The following ATG10 variants were observed in gnomAD, a reference collection of about 807,000 sequenced individuals.
ATG10 encodes autophagy related 10, also known as ubiquitin-like-conjugating enzyme ATG10.
ATG10 carries 30 observed loss-of-function variants against 32.1 expected under a neutral mutation model. The observed-to-expected ratio is 0.94, with a 90% CI of 0.70 to 1.27. The LOEUF is 1.27. Among genes scored for constraint, ATG10 ranks in the 50% most tolerant of loss-of-function variants. The probability of loss-of-function intolerance (pLI) is 0.00; values close to 1 mark genes in which losing one functional copy is unlikely to be tolerated. For synonymous variants in ATG10, 87 were observed against 91.5 expected (o/e 0.95, Z 0.28); for missense variants, 233 against 262.3 (o/e 0.89, Z 0.77).
intron 2 of ATG10, among the ~76,000 whole-genome samples, chr5:82,028,842 C>T (rs1762665358): frequency 6.6e-6 from 1 of 152,042 alleles, no homozygotes; most frequent in African/African-American, 2.4e-5. Flanking sequence ...ATCACCAGGA[C>T]CTTTCAATAA....
At chr5:82,094,154 G>A (rs1468660053) in intron 3 of ATG10, among the ~76,000 whole-genome samples, 4 of 152,068 alleles carry the variant, frequency 2.6e-5, no homozygotes, top group Non-Finnish European at 5.9e-5. Context: ...CTTGCACTGT[G>A]GCCTGAAAAC....
intron 3 of ATG10, among the ~76,000 whole-genome samples, chr5:82,157,421 A>G (rs1767846804): frequency 6.6e-6 from 1 of 151,914 alleles, no homozygotes; most frequent in Non-Finnish European, 1.5e-5. Flanking sequence ...ACAGTTGCTA[A>G]AAGAATTACG....
At chr5:82,242,952 C>T in intron 5 of ATG10, 2 of 360,840 alleles carry the variant, frequency 5.5e-6, no homozygotes, top group Non-Finnish European at 1.1e-5. Context: ...CTAATAATAC[C>T]TACTTTCTGG....
chr5:82,162,331 C>T (rs578175919), intron 3 of ATG10, among the ~76,000 whole-genome samples: 1 of 152,026 alleles, frequency 6.6e-6, no homozygotes, highest in African/African-American at 2.4e-5. Flanking sequence ...GGAATTAAAA[C>T]GATAAGAAAT....
intron 3 of ATG10, among the ~76,000 whole-genome samples, chr5:82,069,220 T>G (rs891457532): frequency 1.3e-5 from 2 of 152,136 alleles, no homozygotes; most frequent in Admixed American, 1.3e-4. Context: ...TAGAATCTCA[T>G]GATATGAATG....
intron 3 of ATG10, among the ~76,000 whole-genome samples, chr5:82,130,880 A>G (rs1394288750): frequency 2.0e-5 from 3 of 152,172 alleles, no homozygotes; most frequent in Non-Finnish European, 4.4e-5. Flanking sequence ...GAAAAGTTGT[A>G]AAAGTAGAAA....
intron 1 of ATG10, among the ~76,000 whole-genome samples, chr5:81,985,149 G>A (rs550316306): frequency 6.6e-6 from 1 of 152,198 alleles, no homozygotes; most frequent in Non-Finnish European, 1.5e-5. Context: ...AGTAACTGGA[G>A]GGCTTAGGCT....
At chr5:82,009,638 G>C (rs572323964) in intron 2 of ATG10, 1 of 1,592,594 alleles carries the variant, frequency 6.3e-7, no homozygotes, top group South Asian at 1.1e-5. Context: ...TCTTCTTGCT[G>C]GTCTTGCCAT....
chr5:82,144,469 C>A (rs986677821), intron 3 of ATG10, among the ~76,000 whole-genome samples: 3 of 151,782 alleles, frequency 2.0e-5, no homozygotes, highest in Non-Finnish European at 2.9e-5. Flanking sequence ...TTCCTCTAAG[C>A]ACTGATTTAG....
intron 3 of ATG10, among the ~76,000 whole-genome samples, chr5:82,086,207 T>G (rs746946922): frequency 1.3e-5 from 2 of 152,162 alleles, no homozygotes; most frequent in Non-Finnish European, 2.9e-5. Context: ...GACATTATCC[T>G]TACTTTCAAA....
rs149637344 is a variant in ATG10, at chr5:82,060,982, A to G, written c.216+2380A>G. Among the ~76,000 whole-genome samples, 44 of 152,360 alleles carry G rather than the reference A, an allele frequency of 2.9e-4. 1 individual carries two copies. In the East Asian group the frequency reaches 7.9e-3, roughly 27 times the overall value. On this transcript the variant is annotated intron_variant, in intron 3 of 7. Transcript: ENST00000282185. ...AATTTTAAATTATGATTCTTTTTAA[A>G]ATTTATCTCTTCAAAGAGTGAAACC... is the stretch of plus-strand genomic sequence containing the variant.
Position 82,103,590 on chromosome 5 carries a change from C to A in ATG10, c.216+44988C>A, listed in dbSNP as rs888286110. ...CCCCTGCCCCCAGGGACTTAAGAAA[C>A]CCATACTCAGTTATGAATGTATGCC... is the stretch of plus-strand genomic sequence containing the variant. On this transcript the variant is annotated intron_variant, in intron 3 of 7. Coordinates refer to ENST00000282185, the MANE Select transcript of ATG10 (RefSeq NM_031482.5). Among the ~76,000 whole-genome samples the A allele has an allele frequency of 3.3e-5, 5 of 151,830 alleles. No homozygotes were observed. The South Asian group carries it at 6.2e-4, about 19-fold the overall frequency.
At chr5:82,045,507 C>T (rs1038832440) in intron 2 of ATG10, among the ~76,000 whole-genome samples, 1 of 152,088 alleles carries the variant, frequency 6.6e-6, no homozygotes, top group Non-Finnish European at 1.5e-5. Flanking sequence ...TGTGCTTCTC[C>T]TCCTTCTGCT....
In ATG10 at chr5:82,207,064, C is replaced by T. The variant is rs78210292; in HGVS notation, c.453+28477C>T. On this transcript the variant is annotated intron_variant, in intron 5 of 7. Coordinates refer to ENST00000282185, the MANE Select transcript of ATG10 (RefSeq NM_031482.5). ...GACTATATCACAATTTGTCTTTCTA[C>T]TATTAATGGCCATGTGGTTCCCCCT... Among the ~76,000 whole-genome samples the T allele has an allele frequency of 2.6e-5, 4 of 152,240 alleles. No individual in the cohort carries two copies. In the East Asian group the frequency reaches 7.7e-4, roughly 29 times the overall value.
chr5:81,980,877 T>G (rs947853870), intron 1 of ATG10, among the ~76,000 whole-genome samples: 1 of 152,144 alleles, frequency 6.6e-6, no homozygotes, highest in African/African-American at 2.4e-5. Context: ...GATCTGTTTC[T>G]CTGAAGGGAA....
chr5:82,250,006 T>C (rs573178642), intron 5 of ATG10, among the ~76,000 whole-genome samples: 58 of 152,342 alleles, frequency 3.8e-4, no homozygotes, highest in African/African-American at 1.3e-3. Flanking sequence ...AATTTGTAAC[T>C]GTAGGTTTCA....
At chr5:81,997,824 T>A (rs1211280500) in intron 2 of ATG10, among the ~76,000 whole-genome samples, 1 of 152,066 alleles carries the variant, frequency 6.6e-6, no homozygotes, top group Non-Finnish European at 1.5e-5. Flanking sequence ...ATAACTCAAT[T>A]AGATAAACAA....
At chr5:82,166,801 A>G (rs1204241820) in intron 4 of ATG10, among the ~76,000 whole-genome samples, 1 of 152,154 alleles carries the variant, frequency 6.6e-6, no homozygotes, top group East Asian at 1.9e-4. Flanking sequence ...GGATGACTGT[A>G]AAATTTCTTG....
At chr5:82,112,518 T>C (rs534321874) in intron 3 of ATG10, among the ~76,000 whole-genome samples, 1 of 151,988 alleles carries the variant, frequency 6.6e-6, no homozygotes, top group South Asian at 2.1e-4. Flanking sequence ...TTTTCAAAAT[T>C]CTATTTGTTA....
Sources: gnomAD v4.1 joint callset for allele counts (sites outside exome capture counted in the v4.1 genomes callset) on GRCh38, gnomAD v4.1.1 for gene constraint, MANE v1.5 for transcripts, NCBI Gene and HGNC (gene_info 2026-07-23, HGNC 2026-07-21) for gene names.